SYCP2L: variants seen among roughly 807,000 people sequenced by gnomAD.
SYCP2L encodes the protein synaptonemal complex protein 2 like, also known as synaptonemal complex protein 2-like.
SYCP2L carries 98 observed loss-of-function variants against 125.8 expected under a neutral mutation model. That is an observed-to-expected ratio of 0.78 (90% CI 0.66 to 0.92). The LOEUF (loss-of-function observed/expected upper bound fraction) is 0.92, where lower values mean the gene tolerates loss of function less well. SYCP2L is among the 40% of genes least tolerant of loss of function. The pLI is 0.00. For synonymous variants in SYCP2L, 317 were observed against 325.4 expected (o/e 0.97, Z 0.28); for missense variants, 842 against 936.4 (o/e 0.90, Z 1.32).
chr6:10,894,314 A>G (rs1173841326), intron 4 of SYCP2L, 110 bp downstream of exon 4: 3 of 1,351,228 alleles, frequency 2.2e-6, no homozygotes, highest in Non-Finnish European at 3.1e-6. Context: ...ATCCAATTTG[A>G]AAAGAAATTG....
chr6:10,938,980 C>A (rs185546205), intron 21 of SYCP2L, among the ~76,000 whole-genome samples: 1 of 152,086 alleles, frequency 6.6e-6, no homozygotes, highest in East Asian at 1.9e-4. Context: ...ATTAGCTAGG[C>A]ATGGTGGCAC....
chr6:10,913,820 A>G lies in SYCP2L; in HGVS notation c.1072+893A>G, dbSNP rs1325160478. ...GCCAATGTCTAGAAGGGTTTTTCCA[A>G]TGTTATCTTCTAGAATTTTTTTTTT... is the stretch of plus-strand genomic sequence containing the variant. On this transcript the variant is annotated intron_variant, in intron 14 of 29. Coordinates refer to ENST00000283141, the MANE Select transcript of SYCP2L (RefSeq NM_001040274.3). 2.0e-5 allele frequency among the ~76,000 whole-genome samples: 3 copies of G among 151,886 alleles called. No homozygotes were observed. In the East Asian group the frequency reaches 5.8e-4, roughly 29 times the overall value.
chr6:10,937,933 G>A (rs569555355), intron 21 of SYCP2L, among the ~76,000 whole-genome samples: 6 of 152,174 alleles, frequency 3.9e-5, no homozygotes, highest in South Asian at 2.1e-4. Context: ...ACCTCCCAAC[G>A]GAGAGTAGCC....
At chr6:10,944,184 C>T (rs1781271346) in intron 23 of SYCP2L, among the ~76,000 whole-genome samples, 1 of 152,166 alleles carries the variant, frequency 6.6e-6, no homozygotes. Context: ...AGTCCTGTTG[C>T]TTTACATCCT....
At chr6:10,906,846 G>T (rs1318880183) in intron 9 of SYCP2L, among the ~76,000 whole-genome samples, 2 of 151,928 alleles carry the variant, frequency 1.3e-5, no homozygotes, top group African/African-American at 2.4e-5. Context: ...TGATCCTCCT[G>T]CCTCGGCCTC....
chr6:10,889,698 G>T (rs1432454237), intron 1 of SYCP2L, among the ~76,000 whole-genome samples: 1 of 135,824 alleles, frequency 7.4e-6, no homozygotes, highest in Non-Finnish European at 1.5e-5. Flanking sequence ...TTAGCTCATT[G>T]CAACCTCCGC....
chr6:10,894,018 CT>C lies in SYCP2L; in HGVS notation c.216+17del. On this transcript the variant is annotated intron_variant, in intron 3 of 29. Transcript: ENST00000283141. ...TCAATAAATAAGGCAAGTTGGTTTG[CT>C]TTGTGACCAAAATACAAATGTATAA... 6.2e-7 allele frequency: 1 copy of C among 1,604,192 alleles called. No individual in the cohort carries two copies. Among genetic ancestry groups the C allele is most frequent in the Non-Finnish European group, 8.5e-7 (1 of 1,177,360 alleles).
chr6:10,968,438 A>G (rs4713102), intron 29 of SYCP2L, among the ~76,000 whole-genome samples: 39,008 of 152,012 alleles, frequency 0.26, 5,422 homozygotes, highest in East Asian at 0.42. Flanking sequence ...TGTGAGAGTC[A>G]AGAGTCATGC....
intron 6 of SYCP2L, among the ~76,000 whole-genome samples, chr6:10,901,533 G>A (rs1355233535): frequency 6.6e-6 from 1 of 152,094 alleles, no homozygotes; most frequent in African/African-American, 2.4e-5. Flanking sequence ...CTCAATTTTG[G>A]CAATATAGAT....
At chr6:10,893,770 C>T (rs1338853220) in intron 2 of SYCP2L, 97 bp from the exon 3 acceptor site, 2 of 1,297,904 alleles carry the variant, frequency 1.5e-6, no homozygotes, top group East Asian at 4.9e-5. Flanking sequence ...TATATTATTT[C>T]ACACTGAATT....
chr6:10,909,871 A>G (rs905631767), intron 10 of SYCP2L, among the ~76,000 whole-genome samples: 5 of 152,218 alleles, frequency 3.3e-5, no homozygotes, highest in African/African-American at 4.8e-5. Flanking sequence ...CCAGTGAAAC[A>G]TAACCAGGCA....
At chr6:10,910,703 T>C (rs1780591717) in intron 11 of SYCP2L, 121 bp from the exon 12 acceptor site, 1 of 1,039,048 alleles carries the variant, frequency 9.6e-7, no homozygotes, top group Non-Finnish European at 1.5e-6. Flanking sequence ...AACCCCCTAT[T>C]GTACTCTGTA....
chr6:10,948,098 T>G (rs1781347394), intron 23 of SYCP2L, among the ~76,000 whole-genome samples: 1 of 152,172 alleles, frequency 6.6e-6, no homozygotes, highest in African/African-American at 2.4e-5. Flanking sequence ...AGGTATCTAA[T>G]ATGATATTTT....
chr6:10,951,650 C>T (rs1034565606), intron 23 of SYCP2L, among the ~76,000 whole-genome samples: 1 of 152,170 alleles, frequency 6.6e-6, no homozygotes, highest in Non-Finnish European at 1.5e-5. Context: ...TAATAAACAT[C>T]GGTAAACAAA....
At chr6:10,910,988 G>A in intron 12 of SYCP2L, 119 bp downstream of exon 12, 1 of 1,041,932 alleles carries the variant, frequency 9.6e-7, no homozygotes, top group Non-Finnish European at 1.5e-6. Flanking sequence ...AAAAAAGGAT[G>A]CCAACGTCTT....
intron 23 of SYCP2L, among the ~76,000 whole-genome samples, chr6:10,945,085 G>A (rs116244509): frequency 0.03 from 4,514 of 152,158 alleles, 101 homozygotes; most frequent in South Asian, 0.051. Flanking sequence ...AATTCTCAGT[G>A]GTATAGGAGC....
chr6:10,936,005 C>G (rs1172548014), intron 21 of SYCP2L, among the ~76,000 whole-genome samples: 1 of 151,850 alleles, frequency 6.6e-6, no homozygotes, highest in African/African-American at 2.4e-5. Context: ...TTTATTTTGA[C>G]TGTGTTTTTA....
At chr6:10,907,900 T>TTTTTTTTTTTTTTTTTTTTTTG (rs1403555435) in intron 10 of SYCP2L, among the ~76,000 whole-genome samples, 1 of 130,398 alleles carries the variant, frequency 7.7e-6, no homozygotes, top group African/African-American at 3.2e-5. Flanking sequence ...AGGTTTTTTT[T>TTTTTTTTTTTTTTTTTTTTTTG]TTTTTTTTTT....
intron 29 of SYCP2L, among the ~76,000 whole-genome samples, chr6:10,965,421 G>A (rs2327325): frequency 0.2 from 30,501 of 152,176 alleles, 3,702 homozygotes; most frequent in South Asian, 0.27. Context: ...GGAAGAATAT[G>A]TGGGTCAAAC....
Sources: allele counts gnomAD v4.1 joint callset (sites outside exome capture counted in the v4.1 genomes callset), GRCh38; gene constraint gnomAD v4.1.1; transcripts MANE v1.5; gene names NCBI Gene and HGNC (gene_info 2026-07-23, HGNC 2026-07-21).